NFIB: variants seen among roughly 807,000 people sequenced by gnomAD.
NFIB encodes nuclear factor 1 B-type.
Under a neutral mutation model 61.5 loss-of-function variants are expected in NFIB, and 11 were observed. The ratio of observed to expected loss-of-function variants is 0.18; its 90% CI spans 0.11 to 0.30. The LOEUF is 0.30. Among genes scored for constraint, NFIB ranks in the 10% least tolerant of loss-of-function variants. NFIB has a pLI of 1.00. For synonymous variants in NFIB, 260 were observed against 216.5 expected (o/e 1.20, Z -1.76); for missense variants, 471 against 608.9 (o/e 0.77, Z 2.38).
the NFIB span, among the ~76,000 whole-genome samples, chr9:14,450,441 C>A: frequency 6.6e-6 from 1 of 152,318 alleles, no homozygotes; most frequent in South Asian, 2.1e-4. Context: ...GTTTCAAGAA[C>A]TTTCCCCAAG....
At chr9:14,203,826 G>T (rs2049322012) in intron 2 of NFIB, among the ~76,000 whole-genome samples, 1 of 152,132 alleles carries the variant, frequency 6.6e-6, no homozygotes, top group Admixed American at 6.5e-5. Context: ...ATAGAAAATG[G>T]TGACAAGGGG....
At chr9:14,383,616 A>G (rs1036940571) in intron 1 of NFIB, among the ~76,000 whole-genome samples, 4 of 152,214 alleles carry the variant, frequency 2.6e-5, no homozygotes, top group Admixed American at 6.5e-5. Flanking sequence ...AAGTTCTGTT[A>G]AGAACATAGT....
chr9:14,098,434 A>G (rs1431453708), intron 10 of NFIB, among the ~76,000 whole-genome samples: 1 of 152,144 alleles, frequency 6.6e-6, no homozygotes, highest in Non-Finnish European at 1.5e-5. Flanking sequence ...TTATTCTTGG[A>G]TTGTCCTTCA....
intron 2 of NFIB, among the ~76,000 whole-genome samples, chr9:14,291,518 G>C (rs1029641122): frequency 6.6e-6 from 1 of 151,954 alleles, no homozygotes; most frequent in Non-Finnish European, 1.5e-5. Flanking sequence ...ATTGAAAGTT[G>C]CTTTTTGAAA....
chr9:14,342,295 C>A (rs2060961399), intron 1 of NFIB, among the ~76,000 whole-genome samples: 1 of 152,170 alleles, frequency 6.6e-6, no homozygotes, highest in South Asian at 2.1e-4. Context: ...ACTATAGGGT[C>A]TGCAGTGTTT....
At chr9:14,215,895 G>T (rs1038137507) in intron 2 of NFIB, among the ~76,000 whole-genome samples, 4 of 152,076 alleles carry the variant, frequency 2.6e-5, no homozygotes, top group African/African-American at 9.7e-5. Flanking sequence ...AAGGCAAATA[G>T]CAATCTCTCC....
intron 1 of NFIB, among the ~76,000 whole-genome samples, chr9:14,358,796 T>C (rs1281578420): frequency 1.3e-5 from 2 of 152,240 alleles, no homozygotes; most frequent in Admixed American, 6.5e-5. Context: ...CCAAATCAAC[T>C]GGTAAATGTT....
intron 1 of NFIB, among the ~76,000 whole-genome samples, chr9:14,344,987 T>G (rs1280100312): frequency 6.6e-6 from 1 of 152,110 alleles, no homozygotes; most frequent in Non-Finnish European, 1.5e-5. Context: ...GCACTGCAGC[T>G]TCCACCTTCG....
chr9:14,125,565 C>T (rs940608662), intron 7 of NFIB, 67 bp downstream of exon 7: 3 of 1,575,196 alleles, frequency 1.9e-6, no homozygotes, highest in South Asian at 2.4e-5. Flanking sequence ...ACTTTTGCTC[C>T]GTCCCTAAGG....
chr9:14,186,629 T>G (rs960208158), intron 2 of NFIB, among the ~76,000 whole-genome samples: 1 of 124,064 alleles, frequency 8.1e-6, no homozygotes, highest in African/African-American at 2.5e-5. Context: ...GGGCCAAACC[T>G]TCTTCTCTCT....
intron 2 of NFIB, among the ~76,000 whole-genome samples, chr9:14,190,734 T>C (rs1284985677): frequency 6.6e-6 from 1 of 152,192 alleles, no homozygotes; most frequent in Non-Finnish European, 1.5e-5. Flanking sequence ...ATAGCTGACA[T>C]GATTTTCCTT....
At chr9:14,235,784 T>C (rs944105718) in intron 2 of NFIB, among the ~76,000 whole-genome samples, 5 of 152,012 alleles carry the variant, frequency 3.3e-5, no homozygotes, top group Admixed American at 6.6e-5. Context: ...AAGAAAAAAA[T>C]AGTAACCTGG....
At chr9:14,325,120 CCTTT>C (rs1273035842) in intron 1 of NFIB, among the ~76,000 whole-genome samples, 1 of 151,782 alleles carries the variant, frequency 6.6e-6, no homozygotes, top group Non-Finnish European at 1.5e-5. Flanking sequence ...TGGTTGAAAG[CCTTT>C]CTAAGAATAT....
At chr9:14,500,264 C>T in the NFIB span, among the ~76,000 whole-genome samples, 1 of 152,188 alleles carries the variant, frequency 6.6e-6, no homozygotes, top group African/African-American at 2.4e-5. Context: ...TCTTAGCCTA[C>T]ATTCCAGACC....
At chr9:14,491,689 T>C in the NFIB span, among the ~76,000 whole-genome samples, 1 of 152,216 alleles carries the variant, frequency 6.6e-6, no homozygotes, top group Non-Finnish European at 1.5e-5. Context: ...TCTTATCTAT[T>C]GAGTTTTTTC....
At chr9:14,179,483 C>T (rs185671385) in intron 3 of NFIB, among the ~76,000 whole-genome samples, 9 of 152,182 alleles carry the variant, frequency 5.9e-5, no homozygotes, top group Admixed American at 1.3e-4. Flanking sequence ...AAAATATATG[C>T]GTATTTATTT....
chr9:14,158,342 A>G (rs2131244760), intron 3 of NFIB, among the ~76,000 whole-genome samples: 1 of 152,254 alleles, frequency 6.6e-6, no homozygotes, highest in East Asian at 1.9e-4. Flanking sequence ...CCCACTCTGT[A>G]AACTGCTCCT....
At chr9:14,341,303 G>A (rs1742094358) in intron 1 of NFIB, among the ~76,000 whole-genome samples, 1 of 152,186 alleles carries the variant, frequency 6.6e-6, no homozygotes, top group African/African-American at 2.4e-5. Flanking sequence ...GGTACCTGGT[G>A]CGTGGGAGTT....
chr9:14,257,814 C>A (rs1056505793), intron 2 of NFIB, among the ~76,000 whole-genome samples: 1 of 151,988 alleles, frequency 6.6e-6, no homozygotes, highest in African/African-American at 2.4e-5. Context: ...CAATAATGTG[C>A]CAGCTATGGT....
Sources: gnomAD v4.1 joint callset for allele counts (sites outside exome capture counted in the v4.1 genomes callset) on GRCh38, gnomAD v4.1.1 for gene constraint, MANE v1.5 for transcripts, NCBI Gene and HGNC (gene_info 2026-07-23, HGNC 2026-07-21) for gene names.